The following SLC44A5 variants were observed in gnomAD, a reference collection of about 807,000 sequenced individuals.
SLC44A5 encodes choline transporter-like protein 5.
Under a neutral mutation model 101.8 loss-of-function variants are expected in SLC44A5, and 57 were observed. That is an observed-to-expected ratio of 0.56 (90% CI 0.45 to 0.70). The LOEUF is 0.70. Among genes scored for constraint, SLC44A5 ranks in the 30% least tolerant of loss-of-function variants. The pLI, the probability that SLC44A5 is intolerant of heterozygous loss-of-function variation, is 0.00. For synonymous variants in SLC44A5, 281 were observed against 290.9 expected (o/e 0.97, Z 0.35); for missense variants, 737 against 853.1 (o/e 0.86, Z 1.70).
chr1:75,523,751 G>C (rs1283452988), intron 2 of SLC44A5, among the ~76,000 whole-genome samples: 1 of 152,160 alleles, frequency 6.6e-6, no homozygotes, highest in Admixed American at 6.5e-5. Context: ...TGCCCCACAG[G>C]GGACATTTGA....
intron 3 of SLC44A5, among the ~76,000 whole-genome samples, chr1:75,370,083 A>G (rs1660127926): frequency 6.6e-6 from 1 of 152,268 alleles, no homozygotes; most frequent in African/African-American, 2.4e-5. Flanking sequence ...AACTTTATTC[A>G]ATGAATAGGA....
intron 3 of SLC44A5, among the ~76,000 whole-genome samples, chr1:75,385,943 A>G (rs372937153): frequency 3.9e-5 from 6 of 152,294 alleles, no homozygotes; most frequent in South Asian, 2.1e-4. Context: ...TATAAACAGA[A>G]CCAAAGACAA....
At chr1:75,598,874 T>C (rs211690) in intron 1 of SLC44A5, among the ~76,000 whole-genome samples, 102,632 of 151,964 alleles carry the variant, frequency 0.68, 35,025 homozygotes, top group East Asian at 0.84. Flanking sequence ...CAAACCCCCA[T>C]GACACAAGTT....
intron 2 of SLC44A5, among the ~76,000 whole-genome samples, chr1:75,483,638 A>G (rs1667993747): frequency 6.6e-6 from 1 of 152,184 alleles, no homozygotes; most frequent in African/African-American, 2.4e-5. Flanking sequence ...AATTTCAACT[A>G]CATTTCAAAA....
At chr1:75,407,260 A>C (rs1479521024) in intron 2 of SLC44A5, among the ~76,000 whole-genome samples, 1 of 152,216 alleles carries the variant, frequency 6.6e-6, no homozygotes, top group Non-Finnish European at 1.5e-5. Context: ...GGAAGAATCA[A>C]TATCATGAAA....
chr1:75,676,099 G>T, the SLC44A5 span, among the ~76,000 whole-genome samples: 1 of 152,166 alleles, frequency 6.6e-6, no homozygotes, highest in Non-Finnish European at 1.5e-5. Flanking sequence ...TTGTTGGTGG[G>T]AATGTAAATT....
the SLC44A5 span, among the ~76,000 whole-genome samples, chr1:75,655,346 CA>C: frequency 2.6e-5 from 4 of 152,162 alleles, no homozygotes; most frequent in Non-Finnish European, 4.4e-5. Context: ...AAGAATTCTT[CA>C]GGTGCCCAGG....
the SLC44A5 span, among the ~76,000 whole-genome samples, chr1:75,692,952 AG>A: frequency 6.6e-6 from 1 of 152,188 alleles, no homozygotes; most frequent in African/African-American, 2.4e-5. Flanking sequence ...AGAATAGTGA[AG>A]GAAAAAGGGG....
At chr1:75,598,576 A>G (rs921210184) in intron 1 of SLC44A5, among the ~76,000 whole-genome samples, 1 of 152,246 alleles carries the variant, frequency 6.6e-6, no homozygotes, top group African/African-American at 2.4e-5. Context: ...CATATACACC[A>G]TGGAATACTA....
At chr1:75,585,688 T>C (rs1457028917) in intron 1 of SLC44A5, among the ~76,000 whole-genome samples, 1 of 152,246 alleles carries the variant, frequency 6.6e-6, no homozygotes, top group East Asian at 1.9e-4. Context: ...CATATAAATA[T>C]ATAGATTATA....
intron 4 of SLC44A5, among the ~76,000 whole-genome samples, chr1:75,335,227 G>A (rs182792111): frequency 1.1e-3 from 160 of 152,168 alleles, no homozygotes; most frequent in Non-Finnish European, 1.5e-3. Context: ...ATTTCTGCAG[G>A]GTCTGAATAT....
At position 75,287,519 on chromosome 1, in the gene SLC44A5, C is replaced by A. The variant is rs529694198; in HGVS notation, c.176-12477G>T. Among the ~76,000 whole-genome samples the A allele has an allele frequency of 5.5e-4, 67 of 122,494 alleles. 1 individual carries two copies. The highest frequency in any genetic ancestry group is 2.0e-3 in the African/African-American group (65 of 32,428). 80.4% of individuals were successfully genotyped at this position (122,494 alleles called of 152,430 possible). On this transcript the variant is annotated intron_variant, in intron 5 of 23. Coordinates refer to ENST00000370859, the MANE Select transcript of SLC44A5 (RefSeq NM_001130058.2). Reference sequence around the variant, plus strand: ...GTGATCTTTTGGGGGTACTAAAAAACCTTGTTTTGTCATATTACTAGAATT... The same window carrying A: ...GTGATCTTTTGGGGGTACTAAAAAAACTTGTTTTGTCATATTACTAGAATT...
intron 2 of SLC44A5, among the ~76,000 whole-genome samples, chr1:75,516,381 G>C (rs1041514392): frequency 6.6e-6 from 1 of 152,118 alleles, no homozygotes; most frequent in African/African-American, 2.4e-5. Flanking sequence ...GGGCGTGGTG[G>C]TGGCGGGCGC....
intron 3 of SLC44A5, among the ~76,000 whole-genome samples, chr1:75,392,341 A>T (rs1274426169): frequency 6.6e-6 from 1 of 152,176 alleles, no homozygotes; most frequent in Non-Finnish European, 1.5e-5. Flanking sequence ...AATTCCATTA[A>T]AAGGTGGACA....
intron 4 of SLC44A5, among the ~76,000 whole-genome samples, chr1:75,302,122 T>TTTTTG (rs1553157961): frequency 1.1e-4 from 15 of 139,362 alleles, no homozygotes; most frequent in African/African-American, 4.0e-4. Flanking sequence ...GTTTTTTTTT[T>TTTTTG]TTTTTTTTTT....
the SLC44A5 span, among the ~76,000 whole-genome samples, chr1:75,650,129 G>A: frequency 1.3e-5 from 2 of 151,980 alleles, no homozygotes; most frequent in African/African-American, 2.4e-5. Context: ...ATGCATAGTG[G>A]TGAAGTCTGG....
chr1:75,636,629 A>T, the SLC44A5 span, among the ~76,000 whole-genome samples: 1 of 152,138 alleles, frequency 6.6e-6, no homozygotes. Context: ...TTGCTGATGT[A>T]GTTCTTGTTT....
chr1:75,443,398 A>T (rs988920026), intron 2 of SLC44A5, among the ~76,000 whole-genome samples: 3 of 152,040 alleles, frequency 2.0e-5, no homozygotes, highest in Non-Finnish European at 4.4e-5. Flanking sequence ...AAATAAATGG[A>T]TATTGAATAT....
the SLC44A5 span, among the ~76,000 whole-genome samples, chr1:75,636,147 C>T: frequency 2.0e-5 from 3 of 151,958 alleles, no homozygotes; most frequent in South Asian, 2.1e-4. Flanking sequence ...TTAGCTTCCA[C>T]GTATGAGTGA....
Sources: allele counts gnomAD v4.1 joint callset (sites outside exome capture counted in the v4.1 genomes callset), GRCh38; gene constraint gnomAD v4.1.1; transcripts MANE v1.5; gene names NCBI Gene and HGNC (gene_info 2026-07-23, HGNC 2026-07-21).